The following METAP1 variants were observed in gnomAD, a reference collection of about 807,000 sequenced individuals.
METAP1 encodes methionine aminopeptidase 1.
A neutral mutation model predicts 53.8 loss-of-function variants in METAP1; 28 were observed. The observed-to-expected ratio is 0.52, with a 90% CI of 0.39 to 0.71. METAP1 has a LOEUF of 0.71. METAP1 is among the 30% of genes least tolerant of loss of function. The pLI is 0.00. For missense variants in METAP1, 389 were observed against 479.8 expected, an observed-to-expected ratio of 0.81 and a Z score of 1.77; for synonymous variants, 181 against 165.7, an observed-to-expected ratio of 1.09 and a Z score of -0.71.
chr4:99,020,974 T>G (rs138423245), intron 1 of METAP1, among the ~76,000 whole-genome samples: 1 of 152,342 alleles, frequency 6.6e-6, no homozygotes, highest in Non-Finnish European at 1.5e-5. Context: ...GCAGGCCTAC[T>G]AGAAGTATTC....
At chr4:98,998,534 AAAAAC>A (rs1411096046) in intron 1 of METAP1, among the ~76,000 whole-genome samples, 2 of 141,746 alleles carry the variant, frequency 1.4e-5, no homozygotes, top group East Asian at 1.9e-4. Context: ...AGAAAAAAAC[AAAAAC>A]AAAACAAAAC....
intron 8 of METAP1, among the ~76,000 whole-genome samples, chr4:99,047,084 T>G (rs1726322633): frequency 6.6e-6 from 1 of 152,184 alleles, no homozygotes; most frequent in South Asian, 2.1e-4. Flanking sequence ...GAAAGTGCTT[T>G]GAATTCCTTT....
intron 1 of METAP1, among the ~76,000 whole-genome samples, chr4:99,017,341 G>A (rs186556646): frequency 1.5e-3 from 228 of 152,346 alleles, no homozygotes; most frequent in African/African-American, 5.1e-3. Context: ...TTAAGGGCCT[G>A]ACTGAGAGCA....
chr4:99,051,001 C>A (rs1726654874), intron 9 of METAP1, among the ~76,000 whole-genome samples: 1 of 152,186 alleles, frequency 6.6e-6, no homozygotes, highest in African/African-American at 2.4e-5. Context: ...TAAAAGCTAG[C>A]AACAGAAAAT....
intron 9 of METAP1, 65 bp from the exon 10 acceptor site, chr4:99,057,688 A>T: frequency 8.9e-7 from 1 of 1,124,076 alleles, no homozygotes; most frequent in Non-Finnish European, 1.3e-6. Context: ...TACTCTTTCT[A>T]GTTAGCTGTT....
At chr4:99,028,172 ATTAC>A (rs1361266384) in intron 1 of METAP1, among the ~76,000 whole-genome samples, 2 of 152,078 alleles carry the variant, frequency 1.3e-5, no homozygotes, top group South Asian at 2.1e-4. Context: ...CTTTTCCTTT[ATTAC>A]TTGAGTTCCT....
At chr4:99,000,280 C>T (rs1373904978) in intron 1 of METAP1, among the ~76,000 whole-genome samples, 2 of 152,072 alleles carry the variant, frequency 1.3e-5, no homozygotes, top group African/African-American at 2.4e-5. Context: ...CTGGGAGGGA[C>T]CTGAGTGATC....
chr4:99,039,331 C>A, intron 4 of METAP1, 43 bp from the exon 5 acceptor site: 1 of 1,136,294 alleles, frequency 8.8e-7, no homozygotes, highest in Non-Finnish European at 1.3e-6. Context: ...AATACTACAT[C>A]TTTGCATTCA....
At chr4:99,056,075 A>T (rs1263722240) in intron 9 of METAP1, among the ~76,000 whole-genome samples, 2 of 152,218 alleles carry the variant, frequency 1.3e-5, no homozygotes, top group Non-Finnish European at 2.9e-5. Flanking sequence ...GTTATGCAGG[A>T]ATATAAACGT....
chr4:99,028,797 A>G (rs1288901863), intron 1 of METAP1, 70 bp from the exon 2 acceptor site: 6 of 1,144,988 alleles, frequency 5.2e-6, no homozygotes, highest in African/African-American at 3.1e-5. Flanking sequence ...TCTTGCTTAT[A>G]TACAATATTC....
intron 1 of METAP1, among the ~76,000 whole-genome samples, chr4:99,018,131 G>A (rs148227069): frequency 2.0e-5 from 3 of 152,288 alleles, no homozygotes; most frequent in East Asian, 1.9e-4. Context: ...ACAGTATCCA[G>A]TCAATCCCAG....
intron 10 of METAP1, among the ~76,000 whole-genome samples, chr4:99,059,662 T>C (rs1727401405): frequency 6.6e-6 from 1 of 152,148 alleles, no homozygotes; most frequent in East Asian, 1.9e-4. Context: ...AGAATTGCCT[T>C]TCTCATTCCA....
chr4:99,046,953 A>AAAAAAAAAAAAAG (rs1560730243), intron 8 of METAP1, among the ~76,000 whole-genome samples: 4 of 149,024 alleles, frequency 2.7e-5, no homozygotes, highest in African/African-American at 5.0e-5. Flanking sequence ...AAAAAAAAAA[A>AAAAAAAAAAAAAG]AAAAAGAAAA....
intron 4 of METAP1, among the ~76,000 whole-genome samples, chr4:99,037,154 T>C (rs1304724047): frequency 6.6e-6 from 1 of 151,960 alleles, no homozygotes; most frequent in African/African-American, 2.4e-5. Flanking sequence ...AGCCTTTTTT[T>C]CCCTGTTAGA....
At chr4:99,023,827 C>A in intron 1 of METAP1, 2 of 949,872 alleles carry the variant, frequency 2.1e-6, no homozygotes, top group Non-Finnish European at 2.5e-6. Flanking sequence ...TTGCTTGCTG[C>A]CTAGACAGAG....
chr4:99,054,778 C>G (rs558553407), intron 9 of METAP1, among the ~76,000 whole-genome samples: 2 of 152,214 alleles, frequency 1.3e-5, no homozygotes, highest in South Asian at 4.1e-4. Context: ...TATTGTGTTT[C>G]AGGGAATAGG....
chr4:99,022,684 A>G, intron 1 of METAP1: 1 of 1,355,474 alleles, frequency 7.4e-7, no homozygotes, highest in African/African-American at 1.4e-5. Context: ...ACCAGGTGAA[A>G]TGGTGCAAGT....
intron 1 of METAP1, among the ~76,000 whole-genome samples, chr4:99,021,956 C>G (rs968898034): frequency 1.3e-5 from 2 of 152,124 alleles, no homozygotes; most frequent in African/African-American, 4.8e-5. Context: ...AATGATAAAT[C>G]CTTTATGGAT....
intron 9 of METAP1, among the ~76,000 whole-genome samples, chr4:99,052,304 G>A (rs879428725): frequency 2.0e-5 from 3 of 152,134 alleles, no homozygotes; most frequent in Admixed American, 1.3e-4. Flanking sequence ...CTGAAGGCTG[G>A]GGTTTGTATT....
Sources: allele counts gnomAD v4.1 joint callset (sites outside exome capture counted in the v4.1 genomes callset), GRCh38; gene constraint gnomAD v4.1.1; transcripts MANE v1.5; gene names NCBI Gene and HGNC (gene_info 2026-07-23, HGNC 2026-07-21).